Variants in PRUNE2 observed in about 807,000 individuals in gnomAD.
PRUNE2 encodes the protein protein prune homolog 2.
PRUNE2 carries 164 observed loss-of-function variants against 252.0 expected under a neutral mutation model. That is an observed-to-expected ratio of 0.65 (90% CI 0.57 to 0.74). The LOEUF is 0.74. Among genes scored for constraint, PRUNE2 ranks in the 30% least tolerant of loss-of-function variants. The pLI, the probability that PRUNE2 is intolerant of heterozygous loss-of-function variation, is 0.00. For missense variants in PRUNE2, 3,495 were observed against 3,711.0 expected, an observed-to-expected ratio of 0.94 and a Z score of 1.51; for synonymous variants, 1,292 against 1,350.2, an observed-to-expected ratio of 0.96 and a Z score of 0.94.
chr9:76,846,316 A>G (rs1224471544), intron 4 of PRUNE2, among the ~76,000 whole-genome samples, 199 bp downstream of exon 4: 1 of 152,176 alleles, frequency 6.6e-6, no homozygotes, highest in Admixed American at 6.5e-5. Flanking sequence ...CCTCATGCCT[A>G]TTTTTAAATG....
In PRUNE2 at chr9:76,705,997, A is replaced by C; in HGVS notation, c.6277T>G (p.Cys2093Gly). The C allele has an allele frequency of 6.2e-7, 1 of 1,614,030 alleles. No homozygotes were observed. The highest frequency in any genetic ancestry group is 8.5e-7 in the Non-Finnish European group (1 of 1,179,880). The change falls in exon 8 of 19, where the codon TGC becomes GGC. Residue 2093 changes from cysteine (C) to glycine (G), a missense_variant. By Grantham distance (159) the Cys-to-Gly change is radical. Coordinates refer to ENST00000376718, the MANE Select transcript of PRUNE2 (RefSeq NM_015225.3). ...DGENPDILTHCEHDSNSQASD... is the reference protein window; with the variant it reads ...DGENPDILTHGEHDSNSQASD... Reference sequence around the variant, plus strand: ...GCCTGAGAATTGCTGTCATGTTCGCAGTGCGTCAGGATATCAGGATTCTCA... The same window carrying C: ...GCCTGAGAATTGCTGTCATGTTCGCCGTGCGTCAGGATATCAGGATTCTCA...
In PRUNE2 at chr9:76,707,198, G is replaced by C; in HGVS notation, c.5076C>G (p.Val1692=). Reference sequence around the variant, plus strand: ...CTTCCTCTATTGACTCTTCACCACCGACACTGTCATCATCAGAACCTGAGC... The same window carrying C: ...CTTCCTCTATTGACTCTTCACCACCCACACTGTCATCATCAGAACCTGAGC... The part of the protein sequence containing the change: ...STSSGSDDDS[V]GGEESIEEEI... The change falls in exon 8 of 19, where the codon GTC becomes GTG. Residue 1692 remains valine (V), a synonymous_variant. Coordinates refer to ENST00000376718, the MANE Select transcript of PRUNE2 (RefSeq NM_015225.3). The C allele has an allele frequency of 6.2e-7, 1 of 1,613,888 alleles. No individual in the cohort carries two copies. The highest frequency in any genetic ancestry group is 8.5e-7 in the Non-Finnish European group (1 of 1,179,878).
intron 9 of PRUNE2, among the ~76,000 whole-genome samples, chr9:76,681,597 C>T (rs1054460043): frequency 3.3e-5 from 5 of 152,084 alleles, no homozygotes; most frequent in Admixed American, 6.6e-5. Flanking sequence ...GTGAAGATCT[C>T]GACTGTGTGG....
chr9:76,703,836 T>C lies in PRUNE2; in HGVS notation c.7777A>G (p.Ser2593Gly). ...GCTGGCTGACATGTGTCTGGGAAGC[T>C]TGCTAACTGAGTTCCCTGCAGCCCT... ...ETGLQGTQLASFPDTCQPASL... is the reference protein window; with the variant it reads ...ETGLQGTQLAGFPDTCQPASL... The change falls in exon 9 of 19, where the codon AGC (serine) becomes GGC (glycine). Residue 2593 changes from serine to glycine, a missense_variant. Coordinates refer to ENST00000376718, the MANE Select transcript of PRUNE2 (RefSeq NM_015225.3). 6.2e-7 allele frequency: 1 copy of C among 1,614,030 alleles called. No homozygotes were observed. Among genetic ancestry groups the C allele is most frequent in the Non-Finnish European group, 8.5e-7 (1 of 1,179,900 alleles).
chr9:76,750,046 A>G (rs897920928), intron 6 of PRUNE2, among the ~76,000 whole-genome samples: 8 of 152,062 alleles, frequency 5.3e-5, no homozygotes, highest in African/African-American at 1.7e-4. Context: ...GAACACATCC[A>G]TGTGTCAGGA....
At position 76,814,819 on chromosome 9, in the gene PRUNE2, T is replaced by C. The variant is rs148933210; in HGVS notation, c.756+8813A>G. Among the ~76,000 whole-genome samples the C allele has an allele frequency of 2.9e-3, 448 of 152,326 alleles. 1 individual carries two copies. Among genetic ancestry groups the C allele is most frequent in the African/African-American group, 9.6e-3 (399 of 41,566 alleles). ...AATCTGCATCACCTAACACTTTTCT[T>C]TACATGTATCAAATAAAATACCACC... On this transcript the variant is annotated intron_variant, in intron 6 of 18. Coordinates refer to ENST00000376718, the MANE Select transcript of PRUNE2 (RefSeq NM_015225.3).
chr9:76,874,727 C>T (rs1277252264), intron 1 of PRUNE2, among the ~76,000 whole-genome samples: 1 of 152,038 alleles, frequency 6.6e-6, no homozygotes, highest in Non-Finnish European at 1.5e-5. Context: ...GAAATACAGG[C>T]TCAAGCATCG....
At chr9:76,679,677 A>G (rs2043211275) in intron 9 of PRUNE2, among the ~76,000 whole-genome samples, 1 of 152,190 alleles carries the variant, frequency 6.6e-6, no homozygotes, top group Non-Finnish European at 1.5e-5. Context: ...ACAGATATAT[A>G]GACTAGTGGA....
intron 6 of PRUNE2, among the ~76,000 whole-genome samples, chr9:76,749,334 G>A (rs1023436259): frequency 2.0e-5 from 3 of 152,180 alleles, no homozygotes; most frequent in East Asian, 1.9e-4. Context: ...AAGTGCAGAC[G>A]TTAACATTCC....
chr9:76,758,566 A>G (rs2051384249), intron 6 of PRUNE2: 1 of 150,402 alleles, frequency 6.6e-6, no homozygotes, highest in South Asian at 2.1e-4. Context: ...GCACCGTGAT[A>G]CTAGCTCACT....
At chr9:76,779,209 A>G (rs140893407) in intron 6 of PRUNE2, among the ~76,000 whole-genome samples, 1 of 151,546 alleles carries the variant, frequency 6.6e-6, no homozygotes, top group African/African-American at 2.4e-5. Flanking sequence ...TTAAATGGCA[A>G]TGGACAAAGT....
At chr9:76,775,102 A>G (rs774163293) in intron 6 of PRUNE2, among the ~76,000 whole-genome samples, 10 of 152,216 alleles carry the variant, frequency 6.6e-5, no homozygotes, top group Non-Finnish European at 1.2e-4. Context: ...GCTAAGCTGA[A>G]CCGAATAGGA....
intron 9 of PRUNE2, among the ~76,000 whole-genome samples, chr9:76,677,838 T>G (rs1431668088): frequency 1.3e-5 from 2 of 152,114 alleles, no homozygotes; most frequent in African/African-American, 4.8e-5. Flanking sequence ...GGTCAGCATA[T>G]GAGCTCAAAC....
chr9:76,627,299 C>A (rs786314), intron 16 of PRUNE2, among the ~76,000 whole-genome samples: 1 of 133,766 alleles, frequency 7.5e-6, no homozygotes, highest in Non-Finnish European at 1.6e-5. Context: ...GATGGGGTGG[C>A]GGGGGGCTCA....
chr9:76,866,121 C>T (rs766400231), intron 1 of PRUNE2, among the ~76,000 whole-genome samples: 38 of 152,144 alleles, frequency 2.5e-4, no homozygotes, highest in Non-Finnish European at 5.3e-4. Context: ...ACATGACTTG[C>T]TATTAGTACA....
chr9:76,902,264 C>T (rs1219158775), intron 1 of PRUNE2, among the ~76,000 whole-genome samples: 2 of 151,572 alleles, frequency 1.3e-5, no homozygotes, highest in East Asian at 3.9e-4. Flanking sequence ...AGGGTCATTT[C>T]CCAAATCACA....
intron 4 of PRUNE2, among the ~76,000 whole-genome samples, chr9:76,831,700 TGA>T (rs1342884173): frequency 6.6e-6 from 1 of 151,598 alleles, no homozygotes; most frequent in Non-Finnish European, 1.5e-5. Context: ...AGTAAAGAAA[TGA>T]GAGGAAAAGA....
intron 1 of PRUNE2, among the ~76,000 whole-genome samples, chr9:76,880,805 T>G (rs972218120): frequency 6.6e-5 from 10 of 152,226 alleles, no homozygotes; most frequent in Non-Finnish European, 1.2e-4. Flanking sequence ...ATATAGTTAT[T>G]TTAAATAAAA....
intron 9 of PRUNE2, chr9:76,692,490 A>G: frequency 4.1e-6 from 1 of 241,770 alleles, no homozygotes; most frequent in South Asian, 7.0e-5. Context: ...GTAGTTTCAC[A>G]GCACATACCT....
Sources: allele counts gnomAD v4.1 joint callset (sites outside exome capture counted in the v4.1 genomes callset), GRCh38; gene constraint gnomAD v4.1.1; transcripts MANE v1.5; gene names NCBI Gene and HGNC (gene_info 2026-07-23, HGNC 2026-07-21).